The following TTLL5 variants were observed in gnomAD, a reference collection of about 807,000 sequenced individuals.
TTLL5 encodes tubulin polyglutamylase TTLL5.
Under a neutral mutation model 168.4 loss-of-function variants are expected in TTLL5, and 132 were observed. The observed-to-expected ratio is 0.78, with a 90% CI of 0.68 to 0.91. The LOEUF (loss-of-function observed/expected upper bound fraction) is 0.91. TTLL5 is among the 40% of genes least tolerant of loss of function. The probability of loss-of-function intolerance (pLI) is 0.00; values close to 1 mark genes in which losing one functional copy is unlikely to be tolerated. For synonymous variants in TTLL5, 546 were observed against 558.6 expected, an observed-to-expected ratio of 0.98 and a Z score of 0.32; for missense variants, 1,545 against 1,581.5, an observed-to-expected ratio of 0.98 and a Z score of 0.39.
At chr14:75,684,487 T>C (rs1204036772) in intron 5 of TTLL5, 1 of 152,230 alleles carries the variant, frequency 6.6e-6, no homozygotes, top group South Asian at 2.1e-4. Context: ...GATGATATAA[T>C]CTAGCTATTA....
intron 1 of TTLL5, among the ~76,000 whole-genome samples, chr14:75,662,309 G>A (rs1890784501): frequency 6.6e-6 from 1 of 150,624 alleles, no homozygotes; most frequent in Admixed American, 6.6e-5. Flanking sequence ...CTAAATAAAT[G>A]TTGGCAGGGG....
At chr14:75,896,799 GAA>G (rs942150251) in intron 30 of TTLL5, among the ~76,000 whole-genome samples, 12 of 152,128 alleles carry the variant, frequency 7.9e-5, no homozygotes, top group African/African-American at 2.7e-4. Context: ...GAAGATCCAC[GAA>G]AAACATGTCA....
intron 29 of TTLL5, among the ~76,000 whole-genome samples, chr14:75,876,131 G>A (rs117918657): frequency 0.012 from 1,885 of 152,314 alleles, 15 homozygotes; most frequent in South Asian, 0.025. Flanking sequence ...GCTAATAAGG[G>A]AAGGTCACCC....
chr14:75,808,268 G>T (rs1893773338), intron 27 of TTLL5, among the ~76,000 whole-genome samples: 1 of 152,194 alleles, frequency 6.6e-6, no homozygotes, highest in African/African-American at 2.4e-5. Flanking sequence ...AGAAAGAGAA[G>T]ATATGCCAAG....
intron 28 of TTLL5, among the ~76,000 whole-genome samples, chr14:75,852,661 TA>T (rs1007718270): frequency 1.4e-4 from 21 of 151,622 alleles, no homozygotes; most frequent in South Asian, 6.2e-4. Flanking sequence ...ACTCAAAGGT[TA>T]AAAAAAAATT....
At chr14:75,773,764 C>T (rs1240616755) in intron 21 of TTLL5, among the ~76,000 whole-genome samples, 1 of 150,920 alleles carries the variant, frequency 6.6e-6, no homozygotes, top group Non-Finnish European at 1.5e-5. Flanking sequence ...GTAGTGCGCA[C>T]CTATAGTCCC....
intron 30 of TTLL5, among the ~76,000 whole-genome samples, chr14:75,884,718 G>C (rs1038676230): frequency 6.6e-6 from 1 of 152,160 alleles, no homozygotes; most frequent in Non-Finnish European, 1.5e-5. Context: ...TACTAATAAA[G>C]ACTTGAACAT....
At position 75,782,593 on chromosome 14, in the gene TTLL5, CCT is replaced by C; in HGVS notation, c.2602+21_2602+22del. 1 of 1,588,296 alleles carries C rather than the reference CCT, an allele frequency of 6.3e-7. No homozygotes were observed. The highest frequency in any genetic ancestry group is 8.6e-7 in the Non-Finnish European group (1 of 1,159,264). ...TATCTCGTGAGTGATTTCAAACCTACCTAGATTTGCTGCTCTCTGATAATTTC... is the reference window on the plus strand; with the variant it reads ...TATCTCGTGAGTGATTTCAAACCTACAGATTTGCTGCTCTCTGATAATTTC... On this transcript the variant is annotated intron_variant, in intron 25 of 31. Coordinates refer to ENST00000298832, the MANE Select transcript of TTLL5 (RefSeq NM_015072.5).
chr14:75,705,860 T>G (rs1456462509), intron 7 of TTLL5, among the ~76,000 whole-genome samples: 1 of 152,194 alleles, frequency 6.6e-6, no homozygotes, highest in Non-Finnish European at 1.5e-5. Flanking sequence ...TGAAGGTTTT[T>G]TTTTTTCTCC....
At chr14:75,870,592 G>A (rs1335351376) in intron 29 of TTLL5, among the ~76,000 whole-genome samples, 2 of 152,120 alleles carry the variant, frequency 1.3e-5, no homozygotes, top group Non-Finnish European at 2.9e-5. Context: ...TGTATGGGTT[G>A]TTACTAATTC....
intron 31 of TTLL5, chr14:75,902,551 CACTT>C (rs924509082): frequency 2.8e-5 from 14 of 497,864 alleles, no homozygotes; most frequent in Non-Finnish European, 5.5e-5. Context: ...TTGTATCTCT[CACTT>C]AATTCTCACA....
At chr14:75,743,550 T>G (rs958433488) in intron 15 of TTLL5, among the ~76,000 whole-genome samples, 1 of 147,858 alleles carries the variant, frequency 6.8e-6, no homozygotes, top group Non-Finnish European at 1.5e-5. Flanking sequence ...GGAGAGAGAG[T>G]GAGATCAAAC....
At chr14:75,730,450 C>T (rs1418611319) in intron 12 of TTLL5, among the ~76,000 whole-genome samples, 1 of 152,148 alleles carries the variant, frequency 6.6e-6, no homozygotes, top group Non-Finnish European at 1.5e-5. Context: ...GTGATCCCAT[C>T]TCAAACTCTT....
intron 12 of TTLL5, among the ~76,000 whole-genome samples, chr14:75,722,754 G>C (rs964061259): frequency 2.6e-5 from 4 of 152,106 alleles, no homozygotes; most frequent in Admixed American, 6.5e-5. Flanking sequence ...GGTACCAAGT[G>C]ATCCTCCTGC....
At chr14:75,735,051 A>T in intron 14 of TTLL5, 144 bp from the exon 15 acceptor site, 1 of 689,646 alleles carries the variant, frequency 1.5e-6, no homozygotes, top group Non-Finnish European at 2.5e-6. Context: ...TGTGTGGGAG[A>T]GTTGTGCATT....
intron 24 of TTLL5, among the ~76,000 whole-genome samples, chr14:75,780,477 G>A (rs955871451): frequency 5.3e-5 from 8 of 152,082 alleles, no homozygotes; most frequent in African/African-American, 1.9e-4. Flanking sequence ...AAAAAAAATA[G>A]CAGTGACATT....
intron 28 of TTLL5, among the ~76,000 whole-genome samples, chr14:75,835,966 A>G (rs912683365): frequency 2.0e-5 from 3 of 152,186 alleles, no homozygotes; most frequent in South Asian, 2.1e-4. Context: ...TACTACCACT[A>G]TGGAGAACAG....
chr14:75,696,183 T>C (rs1408154551), intron 6 of TTLL5, among the ~76,000 whole-genome samples: 1 of 152,010 alleles, frequency 6.6e-6, no homozygotes, highest in African/African-American at 2.4e-5. Flanking sequence ...AGTGAGCCTA[T>C]TAATAACTAG....
chr14:75,914,033 A>AAAAAAAAAAAAAAAT, intron 31 of TTLL5, among the ~76,000 whole-genome samples: 3 of 71,102 alleles, frequency 4.2e-5, no homozygotes, highest in South Asian at 1.1e-3. Flanking sequence ...AAAAAAAAAA[A>AAAAAAAAAAAAAAAT]ATATATATAT....
Sources: gnomAD v4.1 joint callset for allele counts (sites outside exome capture counted in the v4.1 genomes callset) on GRCh38, gnomAD v4.1.1 for gene constraint, MANE v1.5 for transcripts, NCBI Gene and HGNC (gene_info 2026-07-23, HGNC 2026-07-21) for gene names.